Variants in STAU1 observed in about 807,000 individuals in gnomAD.
STAU1 encodes double-stranded RNA-binding protein Staufen homolog 1.
A neutral mutation model predicts 62.9 loss-of-function variants in STAU1; 13 were observed. The ratio of observed to expected loss-of-function variants is 0.21; its 90% CI spans 0.13 to 0.33. The LOEUF is 0.33. Among genes scored for constraint, STAU1 ranks in the 10% least tolerant of loss-of-function variants. STAU1 has a pLI of 1.00. For synonymous variants in STAU1, 269 were observed against 265.1 expected (o/e 1.01, Z -0.14); for missense variants, 571 against 712.1 (o/e 0.80, Z 2.25).
At chr20:49,164,838 T>C (rs980991491) in intron 3 of STAU1, among the ~76,000 whole-genome samples, 3 of 152,174 alleles carry the variant, frequency 2.0e-5, no homozygotes, top group Non-Finnish European at 4.4e-5. Context: ...TTGATCCTCA[T>C]TATGATTTCT....
At chr20:49,205,469 G>C in the STAU1 span, among the ~76,000 whole-genome samples, 29 of 149,644 alleles carry the variant, frequency 1.9e-4, no homozygotes, top group South Asian at 6.2e-3. Context: ...GGGTTCAAGA[G>C]ATTCTCCTGC....
At chr20:49,212,887 C>T in the STAU1 span, among the ~76,000 whole-genome samples, 4 of 152,032 alleles carry the variant, frequency 2.6e-5, no homozygotes, top group Admixed American at 6.6e-5. Context: ...CTTGAGCCAT[C>T]GTGCCCGGCC....
Position 49,117,729 on chromosome 20 carries a change from G to A in STAU1, c.1509+48C>T, listed in dbSNP as rs199715910. 13 of 1,523,722 alleles carry A rather than the reference G, an allele frequency of 8.5e-6. No individual in the cohort carries two copies. In the East Asian group the frequency reaches 2.9e-4, roughly 34 times the overall value. 94.4% of individuals were successfully genotyped at this position (1,523,722 alleles called of 1,614,324 possible). The stretch of plus-strand genomic sequence containing the variant: ...GTTCATTTTCTGAGAGAAGCCAAAA[G>A]ATGACTGTCCTGAGGCACAGCCATC... On this transcript the variant is annotated intron_variant, in intron 11 of 13. Coordinates refer to ENST00000371856, the MANE Select transcript of STAU1 (RefSeq NM_017453.4). The surrounding 1 kb of genome is among the most constrained non-coding windows in gnomAD (Gnocchi z 4.6).
At chr20:49,215,825 G>A in the STAU1 span, among the ~76,000 whole-genome samples, 2 of 151,692 alleles carry the variant, frequency 1.3e-5, no homozygotes, top group Non-Finnish European at 2.9e-5. Flanking sequence ...TGGCCAACAT[G>A]GTGAGACCCC....
intron 6 of STAU1, among the ~76,000 whole-genome samples, chr20:49,129,958 C>T (rs896538858): frequency 1.3e-5 from 2 of 152,084 alleles, no homozygotes; most frequent in Non-Finnish European, 2.9e-5. Context: ...ATTTATCATG[C>T]AACTCAGCAA....
chr20:49,158,963 GA>G lies in STAU1; in HGVS notation c.206-4893del, dbSNP rs1448410709. ...CCCCCCTTGACACTTCACACATCAG[GA>G]CATCAGGGGTCTCCTTTATTATATG... On this transcript the variant is annotated intron_variant, in intron 3 of 13. Coordinates refer to ENST00000371856, the MANE Select transcript of STAU1 (RefSeq NM_017453.4). 3 of 1,301,282 alleles carry G rather than the reference GA, an allele frequency of 2.3e-6. No individual in the cohort carries two copies. In the Admixed American group the frequency reaches 6.9e-5, roughly 30 times the overall value. 80.6% of individuals were successfully genotyped at this position (1,301,282 alleles called of 1,614,324 possible).
chr20:49,179,788 T>A (rs1253007443), intron 1 of STAU1, among the ~76,000 whole-genome samples: 1 of 152,232 alleles, frequency 6.6e-6, no homozygotes, highest in Non-Finnish European at 1.5e-5. Flanking sequence ...AAAGCTCATC[T>A]CTGAAGGGAG....
chr20:49,114,714 C>G lies in STAU1; in HGVS notation c.*164G>C. On this transcript the variant is annotated 3_prime_UTR_variant, in exon 14 of 14. Coordinates refer to ENST00000371856, the MANE Select transcript of STAU1 (RefSeq NM_017453.4). ...CCAGCACAGTCCAGCCCGGCCACAG[C>G]CGCCTCCTTGTGTTTCTGTTGTCTT... is the stretch of plus-strand genomic sequence containing the variant. 1.4e-6 allele frequency: 1 copy of G among 698,192 alleles called. No individual in the cohort carries two copies. The highest frequency in any genetic ancestry group is 2.5e-6 in the Non-Finnish European group (1 of 401,368). 43.2% of individuals were successfully genotyped at this position (698,192 alleles called of 1,614,324 possible).
Position 49,115,766 on chromosome 20 carries a change from T to TC in STAU1, c.1718+15dup. 1 of 1,611,236 alleles carries TC rather than the reference T, an allele frequency of 6.2e-7. No individual in the cohort carries two copies. On this transcript the variant is annotated intron_variant, in intron 13 of 13. Transcript: ENST00000371856. Reference sequence around the variant, plus strand: ...CTCCCCATCATCAGCGCCTTCCCCTTCATCAGTGCACTCACACAGACATTG... The same window carrying TC: ...CTCCCCATCATCAGCGCCTTCCCCTTCCATCAGTGCACTCACACAGACATTG...
the STAU1 span, among the ~76,000 whole-genome samples, chr20:49,196,935 T>C: frequency 6.6e-6 from 1 of 152,086 alleles, no homozygotes; most frequent in African/African-American, 2.4e-5. Flanking sequence ...GGCAGGCGGA[T>C]TGCCTGAGCT....
At chr20:49,120,792 T>G (rs1056039752) in intron 8 of STAU1, among the ~76,000 whole-genome samples, 9 of 152,292 alleles carry the variant, frequency 5.9e-5, no homozygotes, top group Non-Finnish European at 8.8e-5. Context: ...TGTTTCACTT[T>G]TTCTTTTTTC....
intron 1 of STAU1, among the ~76,000 whole-genome samples, chr20:49,183,415 G>A (rs1290930354): frequency 2.6e-5 from 4 of 152,298 alleles, no homozygotes; most frequent in Middle Eastern, 3.4e-3. Context: ...CAGCTACTAA[G>A]GAGGCTGAGG....
At chr20:49,196,634 C>T in the STAU1 span, among the ~76,000 whole-genome samples, 3 of 151,252 alleles carry the variant, frequency 2.0e-5, no homozygotes, top group African/African-American at 7.3e-5. Flanking sequence ...GGCGTGGTGG[C>T]GCATGCCTGT....
intron 5 of STAU1, among the ~76,000 whole-genome samples, chr20:49,147,693 A>T (rs547519500): frequency 7.6e-4 from 115 of 152,310 alleles, no homozygotes; most frequent in African/African-American, 2.6e-3. Context: ...AATGCAAACA[A>T]CCTAAATAAT....
At chr20:49,181,570 G>C (rs189194520) in intron 1 of STAU1, among the ~76,000 whole-genome samples, 1 of 151,872 alleles carries the variant, frequency 6.6e-6, no homozygotes, top group Non-Finnish European at 1.5e-5. Flanking sequence ...TTCGAGACCA[G>C]CCTAGGCAAC....
At chr20:49,165,158 T>A (rs147205531) in intron 3 of STAU1, among the ~76,000 whole-genome samples, 1 of 151,692 alleles carries the variant, frequency 6.6e-6, no homozygotes, top group Non-Finnish European at 1.5e-5. Flanking sequence ...GATTCTTCTA[T>A]ATCAGCCTCC....
At chr20:49,179,520 T>C (rs989384246) in intron 1 of STAU1, among the ~76,000 whole-genome samples, 8 of 152,220 alleles carry the variant, frequency 5.3e-5, no homozygotes, top group African/African-American at 1.7e-4. Flanking sequence ...GTTGGTTCAA[T>C]TGTGCAACAA....
intron 5 of STAU1, among the ~76,000 whole-genome samples, chr20:49,145,134 A>C (rs145465927): frequency 4.4e-4 from 67 of 152,346 alleles, no homozygotes; most frequent in African/African-American, 1.5e-3. Flanking sequence ...AGCTTAAAAA[A>C]TGAAAACCTG....
In STAU1 at chr20:49,117,741, G is replaced by A; in HGVS notation, c.1509+36C>T. The A allele has an allele frequency of 1.3e-6, 2 of 1,556,890 alleles. No individual in the cohort carries two copies. Among genetic ancestry groups the A allele is most frequent in the South Asian group, 2.4e-5 (2 of 84,846 alleles). ...AGAGAAGCCAAAAGATGACTGTCCTGAGGCACAGCCATCACAGCTCAGGCC... is the reference window on the plus strand; with the variant it reads ...AGAGAAGCCAAAAGATGACTGTCCTAAGGCACAGCCATCACAGCTCAGGCC... On this transcript the variant is annotated intron_variant, in intron 11 of 13. Transcript: ENST00000371856. This position sits in a 1 kb window ranked among gnomAD's most constrained non-coding sequence, Gnocchi z 4.6.
Sources: allele counts gnomAD v4.1 joint callset (sites outside exome capture counted in the v4.1 genomes callset), GRCh38; gene constraint gnomAD v4.1.1; non-coding constraint Gnocchi (gnomAD v3.1); transcripts MANE v1.5; gene names NCBI Gene and HGNC (gene_info 2026-07-23, HGNC 2026-07-21).